UGT2B11: variants seen among roughly 807,000 people sequenced by gnomAD.
UGT2B11 encodes the protein UDP-glucuronosyltransferase 2B11.
A neutral mutation model predicts 51.7 loss-of-function variants in UGT2B11; 49 were observed. The ratio of observed to expected loss-of-function variants is 0.95; its 90% CI spans 0.75 to 1.20. The LOEUF (loss-of-function observed/expected upper bound fraction) is 1.20, where lower values mean the gene tolerates loss of function less well. Ranked by LOEUF, UGT2B11 falls within the 50% of genes most tolerant of loss-of-function variation. The pLI is 0.00. For missense variants in UGT2B11, 810 were observed against 622.1 expected, an observed-to-expected ratio of 1.30 and a Z score of -3.21; for synonymous variants, 273 against 209.0, an observed-to-expected ratio of 1.31 and a Z score of -2.64.
At chr4:69,207,591 G>T (rs1165465786) in intron 3 of UGT2B11, among the ~76,000 whole-genome samples, 1 of 151,500 alleles carries the variant, frequency 6.6e-6, no homozygotes, top group Non-Finnish European at 1.5e-5. Flanking sequence ...GGTAGTTAGT[G>T]CTGAGTCCTT....
chr4:69,203,089 C>T (rs1477584656), intron 5 of UGT2B11, among the ~76,000 whole-genome samples: 1 of 151,316 alleles, frequency 6.6e-6, no homozygotes, highest in Non-Finnish European at 1.5e-5. Flanking sequence ...GTTAGTGCAC[C>T]AAGATTGGGA....
intron 5 of UGT2B11, among the ~76,000 whole-genome samples, chr4:69,203,890 T>A (rs375824536): frequency 6.6e-6 from 1 of 151,210 alleles, no homozygotes; most frequent in Non-Finnish European, 1.5e-5. Flanking sequence ...TTTGTGTTGA[T>A]AAAAATGTTC....
rs773751461 is a variant in UGT2B11 at position 69,200,641 on chromosome 4, C to G, written c.1389G>C (p.Trp463Cys). Residue 463 changes from tryptophan to cysteine, a missense_variant, in exon 6 of 6, where the codon TGG (tryptophan) becomes TGC (cysteine). By Grantham distance (215) the Trp-to-Cys change is radical. Transcript: ENST00000446444. The stretch of plus-strand genomic sequence containing the variant: ...CTTTGTGGGGCATGACAAATTCAAT[C>G]CAGAAGACTGCTCGATCCAGGGGCT... The part of the protein sequence containing the change: ...PVKPLDRAVF[W>C]IEFVMPHKGA... 191 of 1,612,240 alleles carry G rather than the reference C, an allele frequency of 1.2e-4. 4 individuals are homozygous for G. In the South Asian group the frequency reaches 2.0e-3, roughly 17 times the overall value.
rs754938080 is a variant in UGT2B11, at chr4:69,214,031, T to A, written c.692A>T (p.Lys231Met). ...AACTTCACTGTAAAACTGATCCCAC[T>A]TCTTCATATCAGACATTTGGAACCA... ...DFWFQMSDMK[K>M]WDQFYSEVLG... Residue 231 changes from lysine to methionine, a missense_variant, in exon 1 of 6, where the codon AAG becomes ATG. Lys to Met is a moderately conservative substitution (Grantham distance 95). Coordinates refer to ENST00000446444, the MANE Select transcript of UGT2B11 (RefSeq NM_001073.3). The A allele has an allele frequency of 5.6e-6, 9 of 1,596,156 alleles. No homozygotes were observed. The highest frequency in any genetic ancestry group is 7.7e-6 in the Non-Finnish European group (9 of 1,172,228).
rs1479081901 is a variant in UGT2B11 at position 69,208,419 on chromosome 4, C to G, written c.934G>C (p.Val312Leu). 6.2e-7 allele frequency: 1 copy of G among 1,610,554 alleles called. No individual in the cohort carries two copies. The highest frequency in any genetic ancestry group is 1.1e-5 in the South Asian group (1 of 90,972). Residue 312 changes from valine to leucine, a missense_variant, in exon 3 of 6, where the codon GTG becomes CTG. Coordinates refer to ENST00000446444, the MANE Select transcript of UGT2B11 (RefSeq NM_001073.3). Reference sequence around the variant, plus strand: ...CTTTCTGCTGTCATGTTACTTATCACTGACCCCAGAGAAAACACCACAACA... The same window carrying G: ...CTTTCTGCTGTCATGTTACTTATCAGTGACCCCAGAGAAAACACCACAACA... ...NGVVVFSLGS[V>L]ISNMTAERAN...
chr4:69,200,575 C>A lies in UGT2B11; in HGVS notation c.1455G>T (p.Trp485Cys), dbSNP rs762463283. The A allele has an allele frequency of 2.5e-6, 4 of 1,612,270 alleles. No individual in the cohort carries two copies. In the African/African-American group the frequency reaches 4.0e-5, roughly 16 times the overall value. ...HLRVAAHDLT[W>C]FQYHSLDVIG... The stretch of plus-strand genomic sequence containing the variant: ...TCACATCCAAAGAGTGGTACTGGAA[C>A]CAGGTGAGGTCATGGGCTGCAACTC... Residue 485 changes from tryptophan (W) to cysteine (C), a missense_variant, in exon 6 of 6, where the codon TGG (tryptophan) becomes TGT (cysteine). Physicochemically the swap from Trp to Cys is radical, Grantham distance 215 (BLOSUM62 -2). Coordinates refer to ENST00000446444, the MANE Select transcript of UGT2B11 (RefSeq NM_001073.3).
chr4:69,220,357 G>C, the UGT2B11 span, among the ~76,000 whole-genome samples: 1 of 152,064 alleles, frequency 6.6e-6, no homozygotes, highest in Admixed American at 6.6e-5. Flanking sequence ...GGTCTAAACT[G>C]TTTGTGGATG....
upstream of UGT2B11, chr4:69,214,986 C>A (rs1577968151): frequency 1.9e-5 from 8 of 428,970 alleles, no homozygotes; most frequent in East Asian, 3.7e-4. Context: ...TTTTATGTAA[C>A]CTACTTTATA....
chr4:69,220,499 G>C, the UGT2B11 span, among the ~76,000 whole-genome samples: 2 of 3,076 alleles, frequency 6.5e-4, no homozygotes, highest in Non-Finnish European at 2.3e-3. Context: ...CTCACACTGT[G>C]CTAACAGAGT....
At position 69,212,577 on chromosome 4, in the gene UGT2B11, G is replaced by A. The variant is rs3890590; in HGVS notation, c.866C>T (p.Pro289Leu). 3.1e-6 allele frequency: 5 copies of A among 1,607,184 alleles called. No individual in the cohort carries two copies. In the East Asian group the frequency reaches 6.7e-5, roughly 22 times the overall value. The change falls in exon 2 of 6, where the codon CCT becomes CTT. Residue 289 changes from proline to leucine, a missense_variant. Pro to Leu is a moderately conservative substitution (Grantham distance 98). Coordinates refer to ENST00000446444, the MANE Select transcript of UGT2B11 (RefSeq NM_001073.3). The stretch of plus-strand genomic sequence containing the variant: ...AACCAACAAAAGTATGTTTACCTTA[G>A]GTAGGGGTTTGGCAGGTTTGCAGTG... ...GFHCKPAKPL[P>L]KEMEEFVQSS...
intron 4 of UGT2B11, 35 bp downstream of exon 4, chr4:69,205,445 C>T: frequency 6.3e-7 from 1 of 1,597,618 alleles, no homozygotes; most frequent in Non-Finnish European, 8.6e-7. Flanking sequence ...TGTGCAGTTA[C>T]TAATATATCC....
At chr4:69,202,659 C>T in intron 5 of UGT2B11, among the ~76,000 whole-genome samples, 1 of 151,658 alleles carries the variant, frequency 6.6e-6, no homozygotes, top group East Asian at 2.0e-4. Context: ...TTGTGTTCTT[C>T]AAATGTTTTA....
At chr4:69,213,973 T>C (rs769430013) in intron 1 of UGT2B11, 29 bp downstream of exon 1, 3 of 1,528,076 alleles carry the variant, frequency 2.0e-6, no homozygotes, top group Non-Finnish European at 2.6e-6. Flanking sequence ...AAGTTAGATC[T>C]TCACGTTACC....
rs1337113497 is a variant in UGT2B11, at chr4:69,214,034, T to C, written c.689A>G (p.Lys230Arg). Residue 230 changes from lysine to arginine, a missense_variant, in exon 1 of 6, where the codon AAG (lysine) becomes AGG (arginine). Physicochemically the swap from Lys to Arg is conservative, Grantham distance 26 (BLOSUM62 2). Coordinates refer to ENST00000446444, the MANE Select transcript of UGT2B11 (RefSeq NM_001073.3). ...TTCACTGTAAAACTGATCCCACTTC[T>C]TCATATCAGACATTTGGAACCAAAA... ...FDFWFQMSDM[K>R]KWDQFYSEVL... The C allele has an allele frequency of 6.3e-7, 1 of 1,598,498 alleles. No homozygotes were observed. Among genetic ancestry groups the C allele is most frequent in the South Asian group, 1.1e-5 (1 of 88,044 alleles).
At chr4:69,207,229 C>T (rs1404599745) in intron 3 of UGT2B11, among the ~76,000 whole-genome samples, 1 of 151,642 alleles carries the variant, frequency 6.6e-6, no homozygotes, top group Non-Finnish European at 1.5e-5. Context: ...ATATGTTCTG[C>T]TATAGCCAAG....
rs1308250244 is a variant in UGT2B11, at chr4:69,200,545, C to A, written c.1485G>T (p.Gly495=). ...CAGTTGCCACACAGGCCAGCAGAAA[C>A]CCAATCACATCCAAAGAGTGGTACT... ...WFQYHSLDVI[G]FLLACVATVI... Residue 495 remains glycine (G), a synonymous_variant, in exon 6 of 6, where the codon GGG becomes GGT. Coordinates refer to ENST00000446444, the MANE Select transcript of UGT2B11 (RefSeq NM_001073.3). The A allele has an allele frequency of 2.5e-6, 4 of 1,612,202 alleles. No homozygotes were observed. The East Asian group carries it at 8.9e-5, about 36-fold the overall frequency.
Position 69,205,551 on chromosome 4 carries a change from T to G in UGT2B11, c.1019A>C (p.Asp340Ala). 6.2e-7 allele frequency: 1 copy of G among 1,610,184 alleles called. No homozygotes were observed. Among genetic ancestry groups the G allele is most frequent in the Non-Finnish European group, 8.5e-7 (1 of 1,177,774 alleles). Reference protein sequence around the residue: ...KIPQKVLWRFDGNKPDALGLN... With the variant: ...KIPQKVLWRFAGNKPDALGLN... ...ACCTAAGGCATCTGGTTTATTCCCGTCAAATCTCCACAGAACCTGTTACAG... is the reference window on the plus strand; with the variant it reads ...ACCTAAGGCATCTGGTTTATTCCCGGCAAATCTCCACAGAACCTGTTACAG... The change falls in exon 4 of 6, where the codon GAC (aspartate) becomes GCC (alanine). Residue 340 changes from aspartate to alanine, a missense_variant. By Grantham distance (126) the Asp-to-Ala change is moderately radical. Coordinates refer to ENST00000446444, the MANE Select transcript of UGT2B11 (RefSeq NM_001073.3).
intron 5 of UGT2B11, among the ~76,000 whole-genome samples, chr4:69,203,287 A>G (rs902920254): frequency 2.2e-4 from 34 of 151,820 alleles, no homozygotes; most frequent in African/African-American, 8.2e-4. Context: ...AGTAATGAAA[A>G]TGCAATCCAA....
In UGT2B11 at chr4:69,214,606, C is replaced by T. The variant is rs1722206879; in HGVS notation, c.117G>A (p.Met39Ile). 6.2e-7 allele frequency: 1 copy of T among 1,613,112 alleles called. No individual in the cohort carries two copies. The highest frequency in any genetic ancestry group is 1.3e-5 in the African/African-American group (1 of 74,840). ...WAAEYSHWMNMKTILKELVQR... is the reference protein window; with the variant it reads ...WAAEYSHWMNIKTILKELVQR... ...GAACAAGCTCTTTCAGGATTGTCTT[C>T]ATATTCATCCAATGGCTGTATTCTG... The change falls in exon 1 of 6, where the codon ATG becomes ATA. Residue 39 changes from methionine (M) to isoleucine (I), a missense_variant. Met to Ile is a conservative substitution (Grantham distance 10). Coordinates refer to ENST00000446444, the MANE Select transcript of UGT2B11 (RefSeq NM_001073.3).
Sources: gnomAD v4.1 joint callset for allele counts (sites outside exome capture counted in the v4.1 genomes callset) on GRCh38, gnomAD v4.1.1 for gene constraint, MANE v1.5 for transcripts, NCBI Gene and HGNC (gene_info 2026-07-23, HGNC 2026-07-21) for gene names.